The following IPO11 variants were observed in gnomAD, a reference collection of about 807,000 sequenced individuals.
IPO11 encodes importin-11.
Under a neutral mutation model 143.2 loss-of-function variants are expected in IPO11, and 66 were observed. That is an observed-to-expected ratio of 0.46 (90% confidence interval 0.38 to 0.57). IPO11 has a LOEUF of 0.57. IPO11 is among the 20% of genes least tolerant of loss of function. IPO11 has a pLI of 0.00. For missense variants in IPO11, 1,026 were observed against 1,141.0 expected (o/e 0.90, Z 1.45); for synonymous variants, 385 against 377.8 (o/e 1.02, Z -0.22).
At chr5:62,571,293 C>T (rs975290973) in intron 27 of IPO11, among the ~76,000 whole-genome samples, 1 of 152,168 alleles carries the variant, frequency 6.6e-6, no homozygotes, top group Non-Finnish European at 1.5e-5. Flanking sequence ...GATGCCTGGT[C>T]TGCCTACTGT....
At chr5:62,453,829 C>T (rs551871464) in intron 5 of IPO11, among the ~76,000 whole-genome samples, 2 of 152,266 alleles carry the variant, frequency 1.3e-5, no homozygotes, top group African/African-American at 4.8e-5. Flanking sequence ...ATTTTTAACT[C>T]AATGGGTTTA....
At chr5:62,621,632 G>T (rs1281948613) in intron 29 of IPO11, among the ~76,000 whole-genome samples, 4 of 152,146 alleles carry the variant, frequency 2.6e-5, no homozygotes, top group African/African-American at 9.7e-5. Context: ...TTTAAGCCAG[G>T]AAAGTCCCTA....
rs181075473 is a variant in IPO11 at position 62,538,770 on chromosome 5, C to T, written c.2250+1481C>T. 9.8e-5 allele frequency among the ~76,000 whole-genome samples: 15 copies of T among 152,312 alleles called. No homozygotes were observed. In the East Asian group the frequency reaches 2.7e-3, roughly 27 times the overall value. On this transcript the variant is annotated intron_variant, in intron 24 of 29. Coordinates refer to ENST00000325324, the MANE Select transcript of IPO11 (RefSeq NM_016338.5). ...GTAAGCACAGTCTATGACGTTTGCA[C>T]AACAGTGAAATCGCCTAATGACACA...
At chr5:62,496,866 A>G (rs151056971) in intron 16 of IPO11, among the ~76,000 whole-genome samples, 40 of 152,354 alleles carry the variant, frequency 2.6e-4, no homozygotes, top group African/African-American at 9.1e-4. Context: ...ATATTTCCCT[A>G]GATCAGACAG....
intron 27 of IPO11, chr5:62,562,051 T>A (rs1351652306): frequency 6.6e-6 from 1 of 152,258 alleles, no homozygotes; most frequent in East Asian, 1.9e-4. Flanking sequence ...TGGAGCCCCC[T>A]TCGTTTTCAT....
chr5:62,572,267 C>T (rs1447997344), intron 27 of IPO11, among the ~76,000 whole-genome samples: 1 of 152,174 alleles, frequency 6.6e-6, no homozygotes, highest in Non-Finnish European at 1.5e-5. Context: ...CTTAAAACCA[C>T]ATATCTCGTT....
At chr5:62,554,515 C>T (rs528796968) in intron 26 of IPO11, among the ~76,000 whole-genome samples, 79 of 152,200 alleles carry the variant, frequency 5.2e-4, no homozygotes, top group African/African-American at 1.7e-3. Flanking sequence ...GTTTTTCTGG[C>T]ACCATCGTTG....
chr5:62,431,080 G>T (rs1216543550), intron 1 of IPO11, among the ~76,000 whole-genome samples: 2 of 151,968 alleles, frequency 1.3e-5, no homozygotes, highest in Non-Finnish European at 2.9e-5. Context: ...GGATTCAAGT[G>T]ATTCTTGTGC....
At chr5:62,521,397 TTTGTC>T (rs1257059317) in intron 20 of IPO11, among the ~76,000 whole-genome samples, 7 of 152,184 alleles carry the variant, frequency 4.6e-5, no homozygotes. Context: ...TTTTTTTTTC[TTTGTC>T]TTAAGACTTC....
At chr5:62,487,886 T>C in intron 13 of IPO11, 25 bp downstream of exon 13, 1 of 1,577,078 alleles carries the variant, frequency 6.3e-7, no homozygotes. Flanking sequence ...GTGATTAACT[T>C]TGAGTTAATC....
chr5:62,446,391 C>T (rs902679784), intron 3 of IPO11, among the ~76,000 whole-genome samples: 7 of 152,270 alleles, frequency 4.6e-5, no homozygotes, highest in African/African-American at 7.2e-5. Context: ...GCTGGTTGTA[C>T]GAGGTTGCAC....
At chr5:62,506,142 T>C in intron 18 of IPO11, 99 bp from the exon 19 acceptor site, 1 of 606,360 alleles carries the variant, frequency 1.6e-6, no homozygotes, top group Non-Finnish European at 2.8e-6. Context: ...GACTTACTGC[T>C]TTGACATTAT....
chr5:62,466,433 T>A (rs1422535368), intron 5 of IPO11, among the ~76,000 whole-genome samples: 1 of 152,222 alleles, frequency 6.6e-6, no homozygotes, highest in East Asian at 1.9e-4. Flanking sequence ...TTCCGAAGTA[T>A]GCTGATGATA....
chr5:62,527,355 G>A (rs995287653), intron 21 of IPO11, among the ~76,000 whole-genome samples: 4 of 152,154 alleles, frequency 2.6e-5, no homozygotes, highest in African/African-American at 7.2e-5. Flanking sequence ...ATTTGACTCT[G>A]CTGTCAGTGT....
At chr5:62,463,800 T>C (rs777450392) in intron 5 of IPO11, among the ~76,000 whole-genome samples, 118 of 152,094 alleles carry the variant, frequency 7.8e-4, no homozygotes, top group Non-Finnish European at 2.2e-4. Context: ...TATACTGATA[T>C]ACTGAACATA....
chr5:62,537,184 A>G (rs1742763614), intron 23 of IPO11, 25 bp from the exon 24 acceptor site: 4 of 1,373,882 alleles, frequency 2.9e-6, no homozygotes, highest in African/African-American at 1.4e-5. Flanking sequence ...ATTCTTACAT[A>G]TATTGACTTT....
At chr5:62,522,611 G>A (rs1742240447) in intron 20 of IPO11, among the ~76,000 whole-genome samples, 1 of 152,070 alleles carries the variant, frequency 6.6e-6, no homozygotes, top group Admixed American at 6.5e-5. Context: ...CTTTTAGGAT[G>A]GTCTGGTTGG....
chr5:62,487,041 A>T (rs1202326628), intron 12 of IPO11, among the ~76,000 whole-genome samples: 2 of 152,030 alleles, frequency 1.3e-5, no homozygotes, highest in African/African-American at 4.8e-5. Context: ...AAATTATTTT[A>T]AAAAATTTTT....
At chr5:62,538,271 A>G (rs1742806216) in intron 24 of IPO11, among the ~76,000 whole-genome samples, 2 of 152,202 alleles carry the variant, frequency 1.3e-5, no homozygotes, top group Admixed American at 1.3e-4. Flanking sequence ...AAGAATCCAA[A>G]GTGTACTTTA....
Sources: gnomAD v4.1 joint callset for allele counts (sites outside exome capture counted in the v4.1 genomes callset) on GRCh38, gnomAD v4.1.1 for gene constraint, MANE v1.5 for transcripts, NCBI Gene and HGNC (gene_info 2026-07-23, HGNC 2026-07-21) for gene names.